The following PCDHGB6 variants were observed in gnomAD, a reference collection of about 807,000 sequenced individuals.
PCDHGB6 encodes the protein protocadherin gamma subfamily B, 6.
Under a neutral mutation model 59.1 loss-of-function variants are expected in PCDHGB6, and 51 were observed. That is an observed-to-expected ratio of 0.86 (90% confidence interval 0.69 to 1.09). The LOEUF is 1.09. PCDHGB6 is among the 50% of genes least tolerant of loss of function. PCDHGB6 has a pLI of 0.00. For synonymous variants in PCDHGB6, 466 were observed against 495.1 expected, an observed-to-expected ratio of 0.94 and a Z score of 0.78; for missense variants, 1,148 against 1,205.1, an observed-to-expected ratio of 0.95 and a Z score of 0.70.
At chr5:141,458,615 G>A (rs2098949624) in intron 1 of PCDHGB6, among the ~76,000 whole-genome samples, 1 of 152,088 alleles carries the variant, frequency 6.6e-6, no homozygotes, top group Admixed American at 6.6e-5. Flanking sequence ...TGTCAGCCAG[G>A]CTGGAGTGCA....
chr5:141,415,110 C>G (rs1490074484), intron 1 of PCDHGB6: 2 of 1,613,548 alleles, frequency 1.2e-6, no homozygotes, highest in East Asian at 2.2e-5. Flanking sequence ...TCAAGCAAAG[C>G]CTCGTAGTGG....
rs750164473 is a variant in PCDHGB6 at position 141,432,286 on chromosome 5, C to G, written c.2418+21666C>G. Reference sequence around the variant, plus strand: ...TATCGTCCTACGTGTCCATCAACTCCGACACTGGGGTACTGTATGCGCTGA... The same window carrying G: ...TATCGTCCTACGTGTCCATCAACTCGGACACTGGGGTACTGTATGCGCTGA... On this transcript the variant is annotated intron_variant, in intron 1 of 3. Transcript: ENST00000520790. This position sits in a 1 kb window ranked among gnomAD's most constrained non-coding sequence, Gnocchi z 6.0. The G allele has an allele frequency of 6.2e-7, 1 of 1,614,252 alleles. No homozygotes were observed. The highest frequency in any genetic ancestry group is 1.3e-5 in the African/African-American group (1 of 75,070).
Position 141,510,942 on chromosome 5 carries a change from T to C in PCDHGB6, c.2567-5T>C, listed in dbSNP as rs769766039. On this transcript the variant is annotated splice_region_variant and splice_polypyrimidine_tract_variant and intron_variant, in intron 3 of 3. Transcript: ENST00000520790. ...CTCCCACCTGATCTTCCTCTGTCTCTGCAGAAGCTGCTGATGGGAGCTCCA... is the reference window on the plus strand; with the variant it reads ...CTCCCACCTGATCTTCCTCTGTCTCCGCAGAAGCTGCTGATGGGAGCTCCA... 5 of 1,613,984 alleles carry C rather than the reference T, an allele frequency of 3.1e-6. No homozygotes were observed. The highest frequency in any genetic ancestry group is 4.2e-6 in the Non-Finnish European group (5 of 1,180,014).
chr5:141,420,318 T>C, intron 1 of PCDHGB6: 1 of 1,446,376 alleles, frequency 6.9e-7, no homozygotes, highest in Non-Finnish European at 9.3e-7. Context: ...TATTACAATA[T>C]GCCAATATAT....
chr5:141,467,715 G>C (rs904101145), intron 1 of PCDHGB6, among the ~76,000 whole-genome samples: 1 of 152,022 alleles, frequency 6.6e-6, no homozygotes, highest in Non-Finnish European at 1.5e-5. Flanking sequence ...AGGCTGGAGT[G>C]TAGTGGCACA....
At chr5:141,508,033 C>A (rs1596123382) in intron 3 of PCDHGB6, 1 of 152,290 alleles carries the variant, frequency 6.6e-6, no homozygotes, top group Non-Finnish European at 1.5e-5. Flanking sequence ...GTTTGCAGCT[C>A]AGCCAGCTGT....
chr5:141,419,744 G>C (rs760207269), intron 1 of PCDHGB6: 1 of 1,613,896 alleles, frequency 6.2e-7, no homozygotes, highest in Non-Finnish European at 8.5e-7. Context: ...GGTGCGCATG[G>C]TGCGTGCTTT....
chr5:141,415,967 C>A, intron 1 of PCDHGB6: 1 of 389,100 alleles, frequency 2.6e-6, no homozygotes, highest in Non-Finnish European at 4.2e-6. Context: ...AACTCCAGCC[C>A]CTTAAGCAAC....
At position 141,420,019 on chromosome 5, in the gene PCDHGB6, C is replaced by T. The variant is rs2096459006; in HGVS notation, c.2418+9399C>T. 13 of 1,614,072 alleles carry T rather than the reference C, an allele frequency of 8.1e-6. No homozygotes were observed. In the East Asian group the frequency reaches 2.7e-4, roughly 33 times the overall value. On this transcript the variant is annotated intron_variant, in intron 1 of 3. Coordinates refer to ENST00000520790, the MANE Select transcript of PCDHGB6 (RefSeq NM_018926.3). ...CTCTACGCCTGCGACAGTCTTTCAGCCCTACTGCAGGAGACTGCTTTGAGT... is the reference window on the plus strand; with the variant it reads ...CTCTACGCCTGCGACAGTCTTTCAGTCCTACTGCAGGAGACTGCTTTGAGT...
intron 1 of PCDHGB6, among the ~76,000 whole-genome samples, chr5:141,445,132 G>T (rs921068835): frequency 2.6e-5 from 4 of 152,026 alleles, no homozygotes; most frequent in Non-Finnish European, 5.9e-5. Flanking sequence ...TTTTAAAATT[G>T]TATCTTCTAA....
rs201386958 is a variant in PCDHGB6 at position 141,413,172 on chromosome 5, T to G, written c.2418+2552T>G. 2.6e-4 allele frequency: 413 copies of G among 1,598,292 alleles called. 3 individuals carry two copies. In the East Asian group the frequency reaches 7.0e-3, roughly 27 times the overall value. ...ACTTTGCAGAATTCTGTAACCAGACTACAATGGCCGCTCAAAGGAATCGCT... is the reference window on the plus strand; with the variant it reads ...ACTTTGCAGAATTCTGTAACCAGACGACAATGGCCGCTCAAAGGAATCGCT... On this transcript the variant is annotated intron_variant, in intron 1 of 3. Coordinates refer to ENST00000520790, the MANE Select transcript of PCDHGB6 (RefSeq NM_018926.3).
Position 141,421,262 on chromosome 5 carries a change from G to GGCTGCT in PCDHGB6, c.2418+10653_2418+10658dup, listed in dbSNP as rs748368476. 11 of 1,609,598 alleles carry GGCTGCT rather than the reference G, an allele frequency of 6.8e-6. No individual in the cohort carries two copies. The Admixed American group carries it at 8.4e-5, about 12-fold the overall frequency. ...CGGCTACAGCGCGGGGACCGCAGTC[G>GGCTGCT]GCTGCTGCTGCTGCTGTGCATTTTC... is the stretch of plus-strand genomic sequence containing the variant. On this transcript the variant is annotated intron_variant, in intron 1 of 3. Coordinates refer to ENST00000520790, the MANE Select transcript of PCDHGB6 (RefSeq NM_018926.3).
intron 1 of PCDHGB6, chr5:141,478,583 C>CT (rs754743497): frequency 5.7e-6 from 9 of 1,578,146 alleles, no homozygotes; most frequent in South Asian, 1.1e-5. Flanking sequence ...CCTGTTAGTG[C>CT]TTTTTTATTC....
At chr5:141,414,099 A>G in intron 1 of PCDHGB6, 1 of 1,593,504 alleles carries the variant, frequency 6.3e-7, no homozygotes, top group Non-Finnish European at 8.5e-7. Flanking sequence ...TAAAAATATC[A>G]GAAAATCTAG....
In PCDHGB6 at chr5:141,431,841, C is replaced by T; in HGVS notation, c.2418+21221C>T. The T allele has an allele frequency of 6.2e-7, 1 of 1,614,246 alleles. No homozygotes were observed. Among genetic ancestry groups the T allele is most frequent in the Non-Finnish European group, 8.5e-7 (1 of 1,180,044 alleles). ...GCCAGCTCGGTTCCCGAAAACTCTC[C>T]CAGAGGGACATTAATTGCCCTTTTA... On this transcript the variant is annotated intron_variant, in intron 1 of 3. Coordinates refer to ENST00000520790, the MANE Select transcript of PCDHGB6 (RefSeq NM_018926.3). The surrounding 1 kb of genome is among the most constrained non-coding windows in gnomAD (Gnocchi z 4.8).
intron 1 of PCDHGB6, among the ~76,000 whole-genome samples, chr5:141,481,443 C>T (rs971405190): frequency 1.3e-5 from 2 of 152,174 alleles, no homozygotes; most frequent in African/African-American, 4.8e-5. Flanking sequence ...CAGTTTAGTA[C>T]ATGTAAATAC....
chr5:141,505,246 G>C, intron 2 of PCDHGB6, 147 bp from the exon 3 acceptor site: 2 of 1,436,674 alleles, frequency 1.4e-6, no homozygotes, highest in Non-Finnish European at 1.9e-6. Flanking sequence ...AAGGATTGTA[G>C]AAGTGCCTCC....
intron 1 of PCDHGB6, among the ~76,000 whole-genome samples, chr5:141,466,921 AG>A (rs2099132133): frequency 6.6e-6 from 1 of 152,204 alleles, no homozygotes; most frequent in African/African-American, 2.4e-5. Context: ...TCCTTGTATT[AG>A]GAATATTAGT....
In PCDHGB6 at chr5:141,477,813, A is replaced by T; in HGVS notation, c.2419-16994A>T. ...ACTGATCGCAATGACAATGCCCCCC[A>T]GGTCCTATATCCTCGGCCAGGTGGG... On this transcript the variant is annotated intron_variant, in intron 1 of 3. Coordinates refer to ENST00000520790, the MANE Select transcript of PCDHGB6 (RefSeq NM_018926.3). The surrounding 1 kb of genome is among the most constrained non-coding windows in gnomAD (Gnocchi z 4.9). The T allele has an allele frequency of 6.2e-7, 1 of 1,614,122 alleles. No homozygotes were observed. The highest frequency in any genetic ancestry group is 1.1e-5 in the South Asian group (1 of 91,084).
Sources: gnomAD v4.1 joint callset for allele counts (sites outside exome capture counted in the v4.1 genomes callset) on GRCh38, gnomAD v4.1.1 for gene constraint, Gnocchi (gnomAD v3.1) non-coding constraint, MANE v1.5 for transcripts, NCBI Gene and HGNC (gene_info 2026-07-23, HGNC 2026-07-21) for gene names.